The following SELENON variants were observed in gnomAD, a reference collection of about 807,000 sequenced individuals.
SELENON encodes the protein selenoprotein N, 1.
SELENON carries 44 observed loss-of-function variants against 59.5 expected under a neutral mutation model. That is an observed-to-expected ratio of 0.74 (90% confidence interval 0.58 to 0.95). The LOEUF (loss-of-function observed/expected upper bound fraction) is 0.95. SELENON is among the 40% of genes least tolerant of loss of function. The probability of loss-of-function intolerance (pLI) is 0.00; values close to 1 mark genes in which losing one functional copy is unlikely to be tolerated. For synonymous variants in SELENON, 320 were observed against 305.6 expected, an observed-to-expected ratio of 1.05 and a Z score of -0.49; for missense variants, 674 against 721.4, an observed-to-expected ratio of 0.93 and a Z score of 0.75.
chr1:25,815,503 G>A (rs112708344), intron 12 of SELENON, 45 bp from the exon 12 acceptor site: 1 of 1,590,784 alleles, frequency 6.3e-7, no homozygotes, highest in Non-Finnish European at 8.6e-7. Context: ...AGGGAGCCTG[G>A]GGGCCCCCCT....
At position 25,812,480 on chromosome 1, in the gene SELENON, C is replaced by CACAT. The variant is rs57085889; in HGVS notation, c.1282-206_1282-205insCATA. ...ATATATATACACACACACATACACACATATACAAACATACACAAACATATA... is the reference window on the plus strand; with the variant it reads ...ATATATATACACACACACATACACACACATATATACAAACATACACAAACATATA... On this transcript the variant is annotated intron_variant, in intron 9 of 12. Coordinates refer to ENST00000361547, the MANE Select transcript of SELENON (RefSeq NM_020451.3). 0.82 allele frequency among the ~76,000 whole-genome samples: 123,990 copies of CACAT among 151,406 alleles called. 51,033 individuals are homozygous for CACAT. Among genetic ancestry groups the CACAT allele is most frequent in the East Asian group, 0.98 (5,034 of 5,158 alleles).
intron 12 of SELENON, among the ~76,000 whole-genome samples, chr1:25,814,573 C>T (rs1161601867): frequency 6.6e-6 from 1 of 152,170 alleles, no homozygotes; most frequent in Admixed American, 6.5e-5. Context: ...CCCCACCTCT[C>T]CCTAAGGGCC....
Position 25,812,677 on chromosome 1 carries a change from G to A in SELENON, c.1282-10G>A, listed in dbSNP as rs556910756. 420 of 1,606,412 alleles carry A rather than the reference G, an allele frequency of 2.6e-4. 7 individuals are homozygous for A. The South Asian group carries it at 4.5e-3, about 17-fold the overall frequency. On this transcript the variant is annotated splice_polypyrimidine_tract_variant and intron_variant, in intron 9 of 12. Coordinates refer to ENST00000361547, the MANE Select transcript of SELENON (RefSeq NM_020451.3). ...GATGATGGCTTCGCTCTGTCTCGGT[G>A]TGGCCCCAGGTCTCCTACTTGCCGT... is the stretch of plus-strand genomic sequence containing the variant.
intron 6 of SELENON, 130 bp downstream of exon 5, chr1:25,809,280 G>T: frequency 7.2e-7 from 1 of 1,397,230 alleles, no homozygotes; most frequent in Non-Finnish European, 9.8e-7. Context: ...AAGCAGCTTT[G>T]GCTCTCTGAG....
rs1019241094 is a variant in SELENON at position 25,816,581 on chromosome 1, G to C, written c.*863G>C. On this transcript the variant is annotated 3_prime_UTR_variant, in exon 13 of 13. Coordinates refer to ENST00000361547, the MANE Select transcript of SELENON (RefSeq NM_020451.3). ...AAACACCACAGCCTTCTCCAGAGCCGGCACTGTCCCGGCAACCAGGGGTGC... is the reference window on the plus strand; with the variant it reads ...AAACACCACAGCCTTCTCCAGAGCCCGCACTGTCCCGGCAACCAGGGGTGC... 6.6e-6 allele frequency: 1 copy of C among 152,636 alleles called. No individual in the cohort carries two copies. Among genetic ancestry groups the C allele is most frequent in the African/African-American group, 2.4e-5 (1 of 41,444 alleles). The allele number at this position is 152,636 out of a possible 1,614,324, so 9.5% of individuals were successfully genotyped here.
intron 10 of SELENON, 149 bp from the exon 10 acceptor site, chr1:25,813,732 T>G: frequency 1.4e-6 from 1 of 704,570 alleles, no homozygotes; most frequent in Non-Finnish European, 2.6e-6. Flanking sequence ...CAACTATCAT[T>G]TATTCAGCAC....
chr1:25,812,912 A>T (rs1446617439), intron 10 of SELENON, 120 bp downstream of exon 9: 2 of 736,046 alleles, frequency 2.7e-6, no homozygotes, highest in Non-Finnish European at 4.6e-6. Context: ...GGGACTGCCC[A>T]TGGTAGGGGC....
At chr1:25,808,276 G>A (rs929070119) in intron 4 of SELENON, among the ~76,000 whole-genome samples, 8 of 151,990 alleles carry the variant, frequency 5.3e-5, no homozygotes, top group East Asian at 1.9e-4. Flanking sequence ...GCCCTCGAGC[G>A]AGCTGCTCTG....
intron 4 of SELENON, among the ~76,000 whole-genome samples, chr1:25,806,426 G>C (rs2047907867): frequency 6.6e-6 from 1 of 152,212 alleles, no homozygotes; most frequent in Non-Finnish European, 1.5e-5. Flanking sequence ...CAGTTCTGGA[G>C]GGGAGACGGA....
chr1:25,801,249 A>G (rs1557427020), intron 2 of SELENON, 89 bp downstream of exon 2: 2 of 1,015,840 alleles, frequency 2.0e-6, no homozygotes, highest in African/African-American at 1.6e-5. Flanking sequence ...AGTGGAGGGA[A>G]GCTCGTGGGA....
chr1:25,809,762 A>C lies in SELENON; in HGVS notation c.952A>C (p.Ile318Leu). ...CCCTGCTCAGTTCACCGGCCACATC[A>C]TCCTCTCCAAAGACGCCACCCACGT... The change falls in exon 7 of 13, where the codon ATC (isoleucine) becomes CTC (leucine). Residue 318 changes from isoleucine (I) to leucine (L), a missense_variant. Physicochemically the swap from Ile to Leu is conservative, Grantham distance 5. Coordinates refer to ENST00000361547, the MANE Select transcript of SELENON (RefSeq NM_020451.3). 6.2e-7 allele frequency: 1 copy of C among 1,613,956 alleles called. No homozygotes were observed. The highest frequency in any genetic ancestry group is 1.3e-5 in the African/African-American group (1 of 74,970).
chr1:25,814,202 A>C lies in SELENON; in HGVS notation c.1602+24A>C, dbSNP rs544212072. ...TGGTAGGCACCCCCACTCAGACCCC[A>C]CAGGGCCCAGGCACCTCGGGGCCCC... is the stretch of plus-strand genomic sequence containing the variant. On this transcript the variant is annotated intron_variant, in intron 12 of 12. Coordinates refer to ENST00000361547, the MANE Select transcript of SELENON (RefSeq NM_020451.3). 2.2e-5 allele frequency: 36 copies of C among 1,602,616 alleles called. 1 individual carries two copies. The South Asian group carries it at 3.9e-4, about 17-fold the overall frequency.
chr1:25,804,008 ATTAATAT>A (rs2047881458), intron 3 of SELENON, among the ~76,000 whole-genome samples: 1 of 152,168 alleles, frequency 6.6e-6, no homozygotes, highest in African/African-American at 2.4e-5. Context: ...AATCATTATT[ATTAATAT>A]TTATCTGTGA....
chr1:25,812,816 G>A (rs1239215152), intron 10 of SELENON, 24 bp downstream of exon 9: 1 of 1,554,826 alleles, frequency 6.4e-7, no homozygotes. Context: ...CTGGATCTAA[G>A]GGGAGCAGTG....
intron 9 of SELENON, 49 bp downstream of exon 8, chr1:25,811,928 G>C: frequency 6.5e-7 from 1 of 1,532,626 alleles, no homozygotes; most frequent in Middle Eastern, 2.3e-4. Context: ...ATGGGCAGAG[G>C]CTGGGAGCTG....
At chr1:25,811,313 G>A in intron 7 of SELENON, 141 bp from the exon 7 acceptor site, 1 of 819,470 alleles carries the variant, frequency 1.2e-6, no homozygotes, top group Non-Finnish European at 2.1e-6. Flanking sequence ...AATCCCAGTG[G>A]CTCTGAGAGC....
rs377215510 is a variant in SELENON at position 25,812,720 on chromosome 1, C to T, written c.1315C>T (p.Arg439Ter). 92 of 1,612,838 alleles carry T rather than the reference C, an allele frequency of 5.7e-5. No homozygotes were observed. The highest frequency in any genetic ancestry group is 6.7e-5 in the Non-Finnish European group (79 of 1,179,810). ...CTTGCCGTTCACTGAGGCCTTCGACCGAGCCAAGGCTGAGAACAAGCTGGT... is the reference window on the plus strand; with the variant it reads ...CTTGCCGTTCACTGAGGCCTTCGACTGAGCCAAGGCTGAGAACAAGCTGGT... The change falls in exon 10 of 13, where the codon CGA becomes TGA. Residue 439 changes from arginine (R) to a stop codon, truncating the protein, a stop_gained. Transcript: ENST00000361547. LOFTEE classifies it high-confidence loss of function.
intron 9 of SELENON, among the ~76,000 whole-genome samples, chr1:25,812,458 TATATACACACACACATACACAC>T (rs1557432626): frequency 1.1e-4 from 6 of 55,592 alleles, no homozygotes; most frequent in Admixed American, 4.8e-4. Context: ...CACTAACATA[TATATACACACACACATACACAC>T]ATATACAAAC....
intron 11 of SELENON, 33 bp downstream of exon 10, chr1:25,814,026 C>T (rs769112291): frequency 1.7e-5 from 28 of 1,610,960 alleles, no homozygotes; most frequent in Admixed American, 8.3e-5. Flanking sequence ...CAGGAGCGTC[C>T]GGAACAGTGG....
Sources: allele counts gnomAD v4.1 joint callset (sites outside exome capture counted in the v4.1 genomes callset), GRCh38; gene constraint gnomAD v4.1.1; transcripts MANE v1.5; gene names NCBI Gene and HGNC (gene_info 2026-07-23, HGNC 2026-07-21).